Variants in RBPMS observed in about 807,000 individuals in gnomAD.
The protein encoded by RBPMS is RNA binding protein, mRNA processing factor.
Under a neutral mutation model 26.8 loss-of-function variants are expected in RBPMS, and 7 were observed. The ratio of observed to expected loss-of-function variants is 0.26; its 90% CI spans 0.15 to 0.49. The LOEUF (loss-of-function observed/expected upper bound fraction) is 0.49. Among genes scored for constraint, RBPMS ranks in the 20% least tolerant of loss-of-function variants. The probability of loss-of-function intolerance (pLI) is 0.98; values close to 1 mark genes in which losing one functional copy is unlikely to be tolerated. For synonymous variants in RBPMS, 96 were observed against 93.3 expected, an observed-to-expected ratio of 1.03 and a Z score of -0.17; for missense variants, 186 against 250.0, an observed-to-expected ratio of 0.74 and a Z score of 1.73.
intron 1 of RBPMS, among the ~76,000 whole-genome samples, chr8:30,470,113 G>A (rs757488758): frequency 6.6e-6 from 1 of 152,282 alleles, no homozygotes; most frequent in Non-Finnish European, 1.5e-5. Context: ...GCCGGGCACG[G>A]TGGCTCACAC....
intron 6 of RBPMS, among the ~76,000 whole-genome samples, chr8:30,547,995 T>A (rs1468900938): frequency 6.6e-6 from 1 of 152,186 alleles, no homozygotes; most frequent in African/African-American, 2.4e-5. Context: ...TGCCATCAGA[T>A]CCCGTTTTTT....
chr8:30,498,980 A>G (rs1444667659), intron 4 of RBPMS, among the ~76,000 whole-genome samples: 1 of 152,234 alleles, frequency 6.6e-6, no homozygotes, highest in African/African-American at 2.4e-5. Context: ...CACAACTGGG[A>G]CACTTGGAAC....
intron 1 of RBPMS, among the ~76,000 whole-genome samples, chr8:30,386,733 AC>A (rs532440783): frequency 1.5e-4 from 23 of 152,338 alleles, no homozygotes; most frequent in South Asian, 4.1e-4. Context: ...TAATTCACTT[AC>A]CATATCAAGA....
rs1806855171 is a variant in RBPMS, at chr8:30,385,117, AAGG to A, written c.28_30del (p.Glu10del). On this transcript the variant is annotated inframe_deletion, in exon 1 of 9. Transcript: ENST00000397323. ...GATGAACAACGGCGGCAAAGCCGAG[AAGG>A]AGAACACCCCGAGCGAGGCCAACCT... 7 of 1,528,238 alleles carry A rather than the reference AAGG, an allele frequency of 4.6e-6. No homozygotes were observed. The highest frequency in any genetic ancestry group is 6.1e-6 in the Non-Finnish European group (7 of 1,139,296). The allele number at this position is 1,528,238 out of a possible 1,614,324, so 94.7% of individuals were successfully genotyped here.
intron 1 of RBPMS, among the ~76,000 whole-genome samples, chr8:30,392,174 C>A (rs1204846071): frequency 2.0e-5 from 3 of 151,958 alleles, no homozygotes; most frequent in Non-Finnish European, 4.4e-5. Context: ...CACAGCCAAA[C>A]CTGCAAGGAA....
At chr8:30,531,584 G>T (rs1006856586) in intron 5 of RBPMS, among the ~76,000 whole-genome samples, 1 of 152,214 alleles carries the variant, frequency 6.6e-6, no homozygotes. Flanking sequence ...AGGATACCCT[G>T]TTCTCATATA....
intron 5 of RBPMS, among the ~76,000 whole-genome samples, chr8:30,528,163 G>A (rs376395429): frequency 6.7e-6 from 1 of 148,508 alleles, no homozygotes; most frequent in Admixed American, 6.7e-5. Flanking sequence ...CAACAAGAGC[G>A]AAACTTTATT....
chr8:30,440,670 G>T (rs1039512534), intron 1 of RBPMS, among the ~76,000 whole-genome samples: 4 of 152,008 alleles, frequency 2.6e-5, no homozygotes, highest in Admixed American at 6.6e-5. Context: ...GTTCTCACTG[G>T]GTCTACTACT....
intron 4 of RBPMS, among the ~76,000 whole-genome samples, chr8:30,480,284 G>C (rs370976328): frequency 2.6e-5 from 4 of 152,298 alleles, no homozygotes; most frequent in East Asian, 3.9e-4. Flanking sequence ...GGGAACTTGC[G>C]TCTGGCCTTT....
intron 5 of RBPMS, among the ~76,000 whole-genome samples, chr8:30,521,834 T>C (rs1823068707): frequency 6.6e-6 from 1 of 152,094 alleles, no homozygotes; most frequent in African/African-American, 2.4e-5. Context: ...AGTACAGATA[T>C]TTGTTAAGAG....
intron 1 of RBPMS, among the ~76,000 whole-genome samples, chr8:30,447,202 A>G (rs1813970981): frequency 6.6e-6 from 1 of 152,078 alleles, no homozygotes; most frequent in Non-Finnish European, 1.5e-5. Context: ...ATGATGCCCA[A>G]AGGGAATGCT....
At chr8:30,454,847 G>T (rs1486508323) in intron 1 of RBPMS, among the ~76,000 whole-genome samples, 1 of 152,152 alleles carries the variant, frequency 6.6e-6, no homozygotes, top group Non-Finnish European at 1.5e-5. Flanking sequence ...TTTTGAGACA[G>T]AGTCTTACTC....
At chr8:30,418,815 G>A (rs1336865807) in intron 1 of RBPMS, among the ~76,000 whole-genome samples, 1 of 152,226 alleles carries the variant, frequency 6.6e-6, no homozygotes, top group South Asian at 2.1e-4. Context: ...CTGACCTCAA[G>A]TGATCCATCC....
chr8:30,409,399 G>T (rs912802692), intron 1 of RBPMS, among the ~76,000 whole-genome samples: 1 of 152,020 alleles, frequency 6.6e-6, no homozygotes, highest in African/African-American at 2.4e-5. Flanking sequence ...CTCCATGTTG[G>T]TCAGGTGGGC....
intron 4 of RBPMS, among the ~76,000 whole-genome samples, chr8:30,493,220 C>CT (rs1819580340): frequency 6.6e-6 from 1 of 152,192 alleles, no homozygotes; most frequent in South Asian, 2.1e-4. Flanking sequence ...CCCAAGGTCT[C>CT]TATCAGAGTT....
At chr8:30,516,028 G>T (rs974533347) in intron 5 of RBPMS, among the ~76,000 whole-genome samples, 1 of 152,152 alleles carries the variant, frequency 6.6e-6, no homozygotes, top group Non-Finnish European at 1.5e-5. Context: ...TCGTTTTTAC[G>T]TGTGTAAAGG....
intron 5 of RBPMS, among the ~76,000 whole-genome samples, chr8:30,521,739 G>T (rs190393878): frequency 6.6e-6 from 1 of 152,104 alleles, no homozygotes; most frequent in Non-Finnish European, 1.5e-5. Flanking sequence ...TCCAATTCAT[G>T]TATACACCAC....
chr8:30,503,208 G>C (rs1386818815), intron 4 of RBPMS, among the ~76,000 whole-genome samples: 1 of 152,134 alleles, frequency 6.6e-6, no homozygotes, highest in Non-Finnish European at 1.5e-5. Flanking sequence ...GTGAAGTTCA[G>C]AGTTGTTCAT....
intron 5 of RBPMS, among the ~76,000 whole-genome samples, chr8:30,541,428 G>C (rs535795158): frequency 6.6e-6 from 1 of 152,126 alleles, no homozygotes; most frequent in Non-Finnish European, 1.5e-5. Context: ...GATGTATATT[G>C]TGAGCCCTCA....
Sources: gnomAD v4.1 joint callset for allele counts (sites outside exome capture counted in the v4.1 genomes callset) on GRCh38, gnomAD v4.1.1 for gene constraint, MANE v1.5 for transcripts, NCBI Gene and HGNC (gene_info 2026-07-23, HGNC 2026-07-21) for gene names.